The following KCNH5 variants were observed in gnomAD, a reference collection of about 807,000 sequenced individuals.
The protein encoded by KCNH5 is voltage-gated delayed rectifier potassium channel KCNH5.
KCNH5 carries 46 observed loss-of-function variants against 96.1 expected under a neutral mutation model. The observed-to-expected ratio is 0.48, with a 90% CI of 0.38 to 0.61. The LOEUF (loss-of-function observed/expected upper bound fraction) is 0.61, where lower values mean the gene tolerates loss of function less well. Ranked by LOEUF, KCNH5 falls within the 20% of genes least tolerant of loss-of-function variation. The probability of loss-of-function intolerance (pLI) is 0.00; values close to 1 mark genes in which losing one functional copy is unlikely to be tolerated. For missense variants in KCNH5, 907 were observed against 1,225.8 expected (o/e 0.74, Z 3.88); for synonymous variants, 439 against 449.8 (o/e 0.98, Z 0.30).
At chr14:62,934,209 C>G (rs1449951546) in intron 7 of KCNH5, among the ~76,000 whole-genome samples, 1 of 151,496 alleles carries the variant, frequency 6.6e-6, no homozygotes, top group Non-Finnish European at 1.5e-5. Flanking sequence ...TCACTGCAAC[C>G]TCCGCCTCCC....
intron 7 of KCNH5, among the ~76,000 whole-genome samples, chr14:62,867,360 T>C (rs2140062476): frequency 6.6e-6 from 1 of 152,260 alleles, no homozygotes; most frequent in African/African-American, 2.4e-5. Flanking sequence ...AGGTTTAATC[T>C]CTACCTTCAT....
intron 9 of KCNH5, among the ~76,000 whole-genome samples, chr14:62,789,367 T>G (rs1466729763): frequency 1.3e-5 from 2 of 152,062 alleles, no homozygotes. Context: ...TCTTGCCTAT[T>G]GTGAACAATA....
chr14:62,721,225 G>A (rs1004180251), intron 10 of KCNH5, among the ~76,000 whole-genome samples: 18 of 152,276 alleles, frequency 1.2e-4, no homozygotes, highest in African/African-American at 3.6e-4. Flanking sequence ...TTTTAGGACT[G>A]TAGGGCTTCC....
At chr14:62,747,591 T>C (rs554732280) in intron 10 of KCNH5, among the ~76,000 whole-genome samples, 3 of 152,222 alleles carry the variant, frequency 2.0e-5, no homozygotes, top group Non-Finnish European at 4.4e-5. Context: ...AACCTGTAGT[T>C]AAAGTGCAAG....
At chr14:62,757,301 G>A (rs959848450) in intron 10 of KCNH5, among the ~76,000 whole-genome samples, 7 of 152,176 alleles carry the variant, frequency 4.6e-5, no homozygotes, top group African/African-American at 1.4e-4. Flanking sequence ...ACAAACACTG[G>A]TGAGGGTGTG....
chr14:62,885,235 C>T (rs1032710950), intron 7 of KCNH5, among the ~76,000 whole-genome samples: 3 of 152,070 alleles, frequency 2.0e-5, no homozygotes, highest in African/African-American at 7.2e-5. Flanking sequence ...AGCTTTTTAC[C>T]TTTCTGTACC....
chr14:62,942,491 T>C (rs1412346701), intron 7 of KCNH5, among the ~76,000 whole-genome samples: 1 of 152,188 alleles, frequency 6.6e-6, no homozygotes, highest in African/African-American at 2.4e-5. Context: ...CAGAGGATGC[T>C]GAATAAACTC....
intron 7 of KCNH5, among the ~76,000 whole-genome samples, chr14:62,949,562 T>C (rs1409902073): frequency 1.3e-5 from 2 of 152,186 alleles, no homozygotes; most frequent in Non-Finnish European, 2.9e-5. Context: ...GTATACCTGT[T>C]AAATCCTAGA....
chr14:62,806,954 G>A (rs1200049118), intron 8 of KCNH5, among the ~76,000 whole-genome samples: 1 of 152,064 alleles, frequency 6.6e-6, no homozygotes, highest in Admixed American at 6.6e-5. Context: ...TCCCTGAAAG[G>A]GGAAACTTGA....
At chr14:62,807,069 C>G (rs1016546128) in intron 8 of KCNH5, among the ~76,000 whole-genome samples, 4 of 152,140 alleles carry the variant, frequency 2.6e-5, no homozygotes, top group African/African-American at 9.7e-5. Context: ...CCTCCCTGAT[C>G]ATTTTGCCTT....
intron 6 of KCNH5, among the ~76,000 whole-genome samples, chr14:62,963,417 G>A (rs1368366401): frequency 6.6e-6 from 1 of 151,966 alleles, no homozygotes; most frequent in Non-Finnish European, 1.5e-5. Context: ...TGTGAGGAAT[G>A]GGCTCAAATG....
chr14:62,741,241 C>T (rs551881036), intron 10 of KCNH5, among the ~76,000 whole-genome samples: 16 of 152,134 alleles, frequency 1.1e-4, no homozygotes, highest in East Asian at 3.9e-4. Context: ...ATTAAAAAGA[C>T]GATACTATAT....
chr14:62,873,262 GT>G (rs897084700), intron 7 of KCNH5, among the ~76,000 whole-genome samples: 1 of 152,016 alleles, frequency 6.6e-6, no homozygotes, highest in African/African-American at 2.4e-5. Flanking sequence ...AAATTAATTT[GT>G]TTTAAGCTAT....
chr14:63,035,801 T>C (rs913854116), intron 1 of KCNH5, among the ~76,000 whole-genome samples: 1 of 152,168 alleles, frequency 6.6e-6, no homozygotes, highest in African/African-American at 2.4e-5. Context: ...TTAAAAAAAA[T>C]CTCCCCTACC....
chr14:62,842,705 G>T lies in KCNH5; in HGVS notation c.1569+6948C>A, dbSNP rs1428601331. Among the ~76,000 whole-genome samples the T allele has an allele frequency of 2.0e-5, 3 of 152,210 alleles. No individual in the cohort carries two copies. In the East Asian group the frequency reaches 5.8e-4, roughly 29 times the overall value. ...CTGGCCTGGCATAGCCCCTCTATTAGACATTCTGAATCCTAATTTTTTAAG... is the reference window on the plus strand; with the variant it reads ...CTGGCCTGGCATAGCCCCTCTATTATACATTCTGAATCCTAATTTTTTAAG... On this transcript the variant is annotated intron_variant, in intron 8 of 10. Coordinates refer to ENST00000322893, the MANE Select transcript of KCNH5 (RefSeq NM_139318.5).
chr14:62,950,756 A>C (rs1889989489), intron 6 of KCNH5, among the ~76,000 whole-genome samples, 197 bp from the exon 7 acceptor site: 1 of 152,168 alleles, frequency 6.6e-6, no homozygotes, highest in Non-Finnish European at 1.5e-5. Context: ...CTTCCTACCC[A>C]AAAATTCATA....
chr14:62,808,537 C>T (rs189584894), intron 8 of KCNH5, among the ~76,000 whole-genome samples: 28 of 152,038 alleles, frequency 1.8e-4, no homozygotes, highest in African/African-American at 5.8e-4. Context: ...ATGAAAAATT[C>T]AGTTTAACAT....
At chr14:62,937,603 A>G (rs1889709941) in intron 7 of KCNH5, among the ~76,000 whole-genome samples, 1 of 152,200 alleles carries the variant, frequency 6.6e-6, no homozygotes, top group African/African-American at 2.4e-5. Context: ...ATGAGTGGTC[A>G]TAGGTTTCGG....
At chr14:62,787,149 T>C (rs551129049) in intron 9 of KCNH5, among the ~76,000 whole-genome samples, 41 of 152,296 alleles carry the variant, frequency 2.7e-4, no homozygotes, top group South Asian at 2.5e-3. Flanking sequence ...GCTAGCCAAG[T>C]TGTGAATGCA....
Sources: allele counts gnomAD v4.1 joint callset (sites outside exome capture counted in the v4.1 genomes callset), GRCh38; gene constraint gnomAD v4.1.1; transcripts MANE v1.5; gene names NCBI Gene and HGNC (gene_info 2026-07-23, HGNC 2026-07-21).